Variants in CALN1 observed in about 807,000 individuals in gnomAD.
The protein encoded by CALN1 is calneuron 1.
Under a neutral mutation model 30.6 loss-of-function variants are expected in CALN1, and 17 were observed. That is an observed-to-expected ratio of 0.56 (90% CI 0.38 to 0.83). CALN1 has a LOEUF of 0.83. CALN1 is among the 40% of genes least tolerant of loss of function. The pLI is 0.00. For synonymous variants in CALN1, 156 were observed against 131.4 expected, an observed-to-expected ratio of 1.19 and a Z score of -1.28; for missense variants, 291 against 354.9, an observed-to-expected ratio of 0.82 and a Z score of 1.45.
intron 5 of CALN1, among the ~76,000 whole-genome samples, chr7:71,893,933 C>A (rs895942292): frequency 6.6e-6 from 1 of 151,996 alleles, no homozygotes; most frequent in African/African-American, 2.4e-5. Context: ...GTGAATCAGG[C>A]TTGTACTCCT....
At chr7:71,875,339 C>T (rs908034684) in intron 5 of CALN1, among the ~76,000 whole-genome samples, 1 of 152,064 alleles carries the variant, frequency 6.6e-6, no homozygotes, top group East Asian at 1.9e-4. Context: ...CCACCAGATA[C>T]CAGGGATCAG....
chr7:71,884,805 G>C (rs1792801223), intron 5 of CALN1, among the ~76,000 whole-genome samples: 1 of 152,160 alleles, frequency 6.6e-6, no homozygotes, highest in African/African-American at 2.4e-5. Flanking sequence ...AAATGGTCCT[G>C]CAAAGTTGTT....
In CALN1 at chr7:71,784,767, G is replaced by A. The variant is rs1232110226; in HGVS notation, c.*3008C>T. 5.0e-6 allele frequency: 2 copies of A among 398,508 alleles called. No homozygotes were observed. Among genetic ancestry groups the A allele is most frequent in the East Asian group, 3.6e-5 (1 of 28,082 alleles). The allele number at this position is 398,508 out of a possible 1,614,324, so 24.7% of individuals were successfully genotyped here. On this transcript the variant is annotated 3_prime_UTR_variant, in exon 7 of 7. Coordinates refer to ENST00000395275, the MANE Select transcript of CALN1 (RefSeq NM_031468.4). ...GTCCGGAGGACAGAATGAGGGGTGAGCTATTCCCTCTCAATTCCTGCGGAA... is the reference window on the plus strand; with the variant it reads ...GTCCGGAGGACAGAATGAGGGGTGAACTATTCCCTCTCAATTCCTGCGGAA...
chr7:72,282,445 TAA>T (rs1797793679), intron 2 of CALN1, among the ~76,000 whole-genome samples: 2 of 152,202 alleles, frequency 1.3e-5, no homozygotes, highest in South Asian at 2.1e-4. Flanking sequence ...GTGGTAGTAT[TAA>T]GAGATGGAGC....
intron 3 of CALN1, among the ~76,000 whole-genome samples, chr7:72,157,823 A>C (rs922993781): frequency 6.6e-6 from 1 of 152,200 alleles, no homozygotes; most frequent in Non-Finnish European, 1.5e-5. Context: ...GGCTCACTGC[A>C]ACCTGTGCCT....
chr7:71,926,734 T>G lies in CALN1; in HGVS notation c.501+96923A>C, dbSNP rs181044371. Among the ~76,000 whole-genome samples, 810 of 145,648 alleles carry G rather than the reference T, an allele frequency of 5.6e-3. 6 individuals carry two copies. The highest frequency in any genetic ancestry group is 0.022 in the African/African-American group (787 of 35,480). ...GTTTCATTTGGTCAATTTCTATTGA[T>G]TCACCTTTAAGTTCATAAATTTTTT... On this transcript the variant is annotated intron_variant, in intron 5 of 6. Transcript: ENST00000395275.
At chr7:72,429,580 A>G (rs953901414) in intron 1 of CALN1, among the ~76,000 whole-genome samples, 2 of 152,092 alleles carry the variant, frequency 1.3e-5, no homozygotes, top group African/African-American at 4.8e-5. Flanking sequence ...GATTACTGCC[A>G]AAAAGAAAGC....
chr7:72,248,306 G>A (rs1009262294), intron 3 of CALN1, among the ~76,000 whole-genome samples: 1 of 152,088 alleles, frequency 6.6e-6, no homozygotes, highest in African/African-American at 2.4e-5. Flanking sequence ...GTAGCAATGG[G>A]ATTTCACCAT....
At chr7:72,082,223 T>A (rs1805193428) in intron 4 of CALN1, among the ~76,000 whole-genome samples, 1 of 152,198 alleles carries the variant, frequency 6.6e-6, no homozygotes. Flanking sequence ...TGACCTCAGG[T>A]GATCTGCCCA....
chr7:72,203,979 C>T lies in CALN1; in HGVS notation c.244+74707G>A, dbSNP rs113823806. On this transcript the variant is annotated intron_variant, in intron 3 of 6. Coordinates refer to ENST00000395275, the MANE Select transcript of CALN1 (RefSeq NM_031468.4). ...TAGCCTTCATATAAGAGGCCTCTCT[C>T]TTTTTTTTTTTTTTTTTTTTTTTTT... Among the ~76,000 whole-genome samples the T allele has an allele frequency of 4.0e-3, 337 of 83,760 alleles. 6 individuals are homozygous for T. The highest frequency in any genetic ancestry group is 0.013 in the African/African-American group (252 of 19,114). The allele number at this position is 83,760 out of a possible 152,430, so 54.9% of individuals were successfully genotyped here.
At chr7:72,060,313 C>A (rs1477992107) in intron 4 of CALN1, among the ~76,000 whole-genome samples, 1 of 152,276 alleles carries the variant, frequency 6.6e-6, no homozygotes, top group Non-Finnish European at 1.5e-5. Flanking sequence ...TCTTTCTCTT[C>A]TCTTGTAGCT....
Position 72,340,690 on chromosome 7 carries a change from G to A in CALN1, c.120-61880C>T, listed in dbSNP as rs185558275. Among the ~76,000 whole-genome samples the A allele has an allele frequency of 4.6e-5, 7 of 152,298 alleles. No individual in the cohort carries two copies. The East Asian group carries it at 1.4e-3, about 29-fold the overall frequency. On this transcript the variant is annotated intron_variant, in intron 2 of 6. Coordinates refer to ENST00000395275, the MANE Select transcript of CALN1 (RefSeq NM_031468.4). ...TAGTTCAGAGATGCGCATAGAAGGT[G>A]ATATGGTTTGGCTGTGTCCCCTCCC...
chr7:72,268,982 T>G (rs1796783222), intron 3 of CALN1, among the ~76,000 whole-genome samples: 1 of 152,092 alleles, frequency 6.6e-6, no homozygotes, highest in Non-Finnish European at 1.5e-5. Context: ...AGATTACAAT[T>G]GCAAGGAGAA....
At chr7:72,234,037 T>A (rs372651506) in intron 3 of CALN1, among the ~76,000 whole-genome samples, 4 of 151,664 alleles carry the variant, frequency 2.6e-5, no homozygotes, top group African/African-American at 4.8e-5. Flanking sequence ...ACAAACAAAC[T>A]AAATTAAGCT....
At chr7:72,128,687 A>G (rs549403694) in intron 3 of CALN1, among the ~76,000 whole-genome samples, 1 of 152,302 alleles carries the variant, frequency 6.6e-6, no homozygotes, top group East Asian at 1.9e-4. Context: ...CCTGCCCAAC[A>G]TGGCGAAGCC....
intron 2 of CALN1, among the ~76,000 whole-genome samples, chr7:72,364,889 G>C (rs1803789561): frequency 6.6e-6 from 1 of 151,634 alleles, no homozygotes; most frequent in African/African-American, 2.4e-5. Context: ...ACAAAAATTA[G>C]CCGGACATGG....
intron 5 of CALN1, among the ~76,000 whole-genome samples, chr7:71,876,948 C>T (rs541326456): frequency 6.6e-6 from 1 of 152,264 alleles, no homozygotes; most frequent in Non-Finnish European, 1.5e-5. Context: ...TGTGTTTTAG[C>T]TTATCAGACT....
chr7:72,049,978 CTT>C (rs879538070), intron 4 of CALN1, among the ~76,000 whole-genome samples: 2 of 143,438 alleles, frequency 1.4e-5, no homozygotes, highest in Admixed American at 7.0e-5. Context: ...CCTGGCTATA[CTT>C]TTTTTTTTTT....
At chr7:72,369,728 A>G (rs1804108309) in intron 2 of CALN1, among the ~76,000 whole-genome samples, 1 of 152,178 alleles carries the variant, frequency 6.6e-6, no homozygotes, top group African/African-American at 2.4e-5. Context: ...ATAGAAGTAG[A>G]ACTGTCCTAT....
Sources: allele counts gnomAD v4.1 joint callset (sites outside exome capture counted in the v4.1 genomes callset), GRCh38; gene constraint gnomAD v4.1.1; transcripts MANE v1.5; gene names NCBI Gene and HGNC (gene_info 2026-07-23, HGNC 2026-07-21).